PCDHGA6: variants seen among roughly 807,000 people sequenced by gnomAD.
The protein encoded by PCDHGA6 is protocadherin gamma subfamily A, 6.
PCDHGA6 carries 41 observed loss-of-function variants against 60.6 expected under a neutral mutation model. The observed-to-expected ratio is 0.68, with a 90% CI of 0.53 to 0.88. The LOEUF (loss-of-function observed/expected upper bound fraction) is 0.88, where lower values mean the gene tolerates loss of function less well. Ranked by LOEUF, PCDHGA6 falls within the 40% of genes least tolerant of loss-of-function variation. PCDHGA6 has a pLI of 0.00. For synonymous variants in PCDHGA6, 594 were observed against 524.4 expected (o/e 1.13, Z -1.81); for missense variants, 1,312 against 1,203.0 (o/e 1.09, Z -1.34).
At chr5:141,400,007 C>T (rs907315450) in intron 1 of PCDHGA6, 30 of 1,612,624 alleles carry the variant, frequency 1.9e-5, no homozygotes, top group Non-Finnish European at 2.5e-5. Flanking sequence ...ACAGCGCGTG[C>T]CTTGGGCGAC....
intron 1 of PCDHGA6, among the ~76,000 whole-genome samples, chr5:141,483,432 A>G (rs756227206): frequency 2.0e-5 from 3 of 152,200 alleles, no homozygotes; most frequent in African/African-American, 4.8e-5. Flanking sequence ...GAGGGAGCTG[A>G]CTACAATAAA....
chr5:141,476,551 C>G lies in PCDHGA6; in HGVS notation c.2425-18256C>G, dbSNP rs367700651. ...CCCAGGAAATGAAATTGGAGATTAG[C>G]GAGGCCGTGGCTCCGGGGACGCGCT... On this transcript the variant is annotated intron_variant, in intron 1 of 3. Transcript: ENST00000517434. The surrounding 1 kb of genome is among the most constrained non-coding windows in gnomAD (Gnocchi z 7.6). 128 of 1,614,078 alleles carry G rather than the reference C, an allele frequency of 7.9e-5. No homozygotes were observed. Among genetic ancestry groups the G allele is most frequent in the Non-Finnish European group, 1.0e-4 (122 of 1,180,034 alleles).
intron 1 of PCDHGA6, chr5:141,409,463 A>G (rs751200597): frequency 1.2e-6 from 2 of 1,613,744 alleles, no homozygotes; most frequent in Non-Finnish European, 1.7e-6. Context: ...ATACAATGTC[A>G]CCATCGTAGC....
intron 1 of PCDHGA6, among the ~76,000 whole-genome samples, chr5:141,446,948 T>C (rs1166868490): frequency 6.6e-6 from 1 of 152,186 alleles, no homozygotes; most frequent in African/African-American, 2.4e-5. Context: ...GTAAGAAACA[T>C]CCAGCACCCA....
Position 141,485,633 on chromosome 5 carries a change from T to C in PCDHGA6, c.2425-9174T>C. 2 of 1,611,808 alleles carry C rather than the reference T, an allele frequency of 1.2e-6. No homozygotes were observed. Among genetic ancestry groups the C allele is most frequent in the South Asian group, 1.1e-5 (1 of 90,962 alleles). On this transcript the variant is annotated intron_variant, in intron 1 of 3. Coordinates refer to ENST00000517434, the MANE Select transcript of PCDHGA6 (RefSeq NM_018919.3). The surrounding 1 kb of genome is among the most constrained non-coding windows in gnomAD (Gnocchi z 5.7). Reference sequence around the variant, plus strand: ...AGCTCCTCCAGGACAGCGTTTCCCGTTGGAAAAGGCTCAGGATGCAGATGT... The same window carrying C: ...AGCTCCTCCAGGACAGCGTTTCCCGCTGGAAAAGGCTCAGGATGCAGATGT...
At position 141,486,464 on chromosome 5, in the gene PCDHGA6, G is replaced by A; in HGVS notation, c.2425-8343G>A. The A allele has an allele frequency of 1.2e-6, 2 of 1,614,034 alleles. No homozygotes were observed. Among genetic ancestry groups the A allele is most frequent in the Non-Finnish European group, 1.7e-6 (2 of 1,179,946 alleles). On this transcript the variant is annotated intron_variant, in intron 1 of 3. Transcript: ENST00000517434. This position sits in a 1 kb window ranked among gnomAD's most constrained non-coding sequence, Gnocchi z 5.0. ...CATCATGGTCACTGCTTCTGATGCTGGGAACCCTCCTCTCAGTACCCACAG... is the reference window on the plus strand; with the variant it reads ...CATCATGGTCACTGCTTCTGATGCTAGGAACCCTCCTCTCAGTACCCACAG...
intron 1 of PCDHGA6, chr5:141,479,712 C>T (rs1488849933): frequency 6.6e-6 from 1 of 152,216 alleles, no homozygotes; most frequent in Non-Finnish European, 1.5e-5. Flanking sequence ...CCCTGTCCTT[C>T]CAGCCTTATT....
chr5:141,405,704 C>T (rs1589592020), intron 1 of PCDHGA6, among the ~76,000 whole-genome samples: 1 of 152,286 alleles, frequency 6.6e-6, no homozygotes, highest in East Asian at 1.9e-4. Context: ...TCTTGAATTC[C>T]TAACCTCAAG....
chr5:141,498,119 T>C (rs780741291), intron 2 of PCDHGA6, among the ~76,000 whole-genome samples: 42 of 152,192 alleles, frequency 2.8e-4, no homozygotes, highest in Non-Finnish European at 4.8e-4. Flanking sequence ...AATAGGGATT[T>C]GATTTAGGGA....
intron 1 of PCDHGA6, among the ~76,000 whole-genome samples, chr5:141,483,124 G>A (rs1468216170): frequency 6.6e-6 from 1 of 152,154 alleles, no homozygotes; most frequent in East Asian, 1.9e-4. Flanking sequence ...GTCTTTGTAG[G>A]AGATGAGGTG....
At chr5:141,398,177 T>C (rs2093620975) in intron 1 of PCDHGA6, 11 of 1,473,994 alleles carry the variant, frequency 7.5e-6, no homozygotes, top group African/African-American at 2.9e-5. Context: ...CTGCCAGTGC[T>C]CTTTCTCTTC....
intron 1 of PCDHGA6, chr5:141,409,553 G>T: frequency 6.2e-7 from 1 of 1,613,972 alleles, no homozygotes; most frequent in Non-Finnish European, 8.5e-7. Context: ...CAACGCCCCA[G>T]TTTTCGACCA....
intron 1 of PCDHGA6, chr5:141,394,176 G>A: frequency 6.2e-7 from 1 of 1,613,790 alleles, no homozygotes; most frequent in Non-Finnish European, 8.5e-7. Flanking sequence ...TTTCCCTCAT[G>A]CCTCCTACTC....
In PCDHGA6 at chr5:141,412,906, T is replaced by C. The variant is rs188124118; in HGVS notation, c.2424+36399T>C. ...ACAGAATAGTTTACTTTCCATTGCA[T>C]GTATCACTTGGGTGCAGTAACTTCT... On this transcript the variant is annotated intron_variant, in intron 1 of 3. Coordinates refer to ENST00000517434, the MANE Select transcript of PCDHGA6 (RefSeq NM_018919.3). 315 of 384,208 alleles carry C rather than the reference T, an allele frequency of 8.2e-4. 2 individuals carry two copies. Among genetic ancestry groups the C allele is most frequent in the African/African-American group, 5.6e-3 (272 of 48,326 alleles). The allele number at this position is 384,208 out of a possible 1,614,324, so 23.8% of individuals were successfully genotyped here. A position where few individuals can be genotyped will look rare whatever the true frequency, so the allele number is the denominator to read the frequency against.
chr5:141,471,058 T>C (rs991869999), intron 1 of PCDHGA6, among the ~76,000 whole-genome samples: 2 of 149,826 alleles, frequency 1.3e-5, no homozygotes, highest in Non-Finnish European at 3.0e-5. Context: ...TTTTTTTTTT[T>C]TTTTTTTTGA....
chr5:141,495,032 G>T, intron 2 of PCDHGA6, 167 bp downstream of exon 2: 1 of 967,732 alleles, frequency 1.0e-6, no homozygotes, highest in Non-Finnish European at 1.2e-6. Flanking sequence ...GACCCCGGAA[G>T]GAAGAGGCGA....
Position 141,476,019 on chromosome 5 carries a change from C to T in PCDHGA6, c.2425-18788C>T, listed in dbSNP as rs964061075. The T allele has an allele frequency of 3.9e-5, 54 of 1,390,282 alleles. 1 individual carries two copies. Among genetic ancestry groups the T allele is most frequent in the Non-Finnish European group, 4.9e-5 (51 of 1,034,212 alleles). 86.1% of individuals were successfully genotyped at this position (1,390,282 alleles called of 1,614,324 possible). A position where few individuals can be genotyped will look rare whatever the true frequency, so the allele number is the denominator to read the frequency against. Reference sequence around the variant, plus strand: ...ACGGCATCCAGAAAGCCATGTCGGACTCGGCGCCCAGCGCCCAAGCGCTAA... The same window carrying T: ...ACGGCATCCAGAAAGCCATGTCGGATTCGGCGCCCAGCGCCCAAGCGCTAA... On this transcript the variant is annotated intron_variant, in intron 1 of 3. Transcript: ENST00000517434. This position sits in a 1 kb window ranked among gnomAD's most constrained non-coding sequence, Gnocchi z 7.6.
Position 141,489,363 on chromosome 5 carries a change from G to A in PCDHGA6, c.2425-5444G>A, listed in dbSNP as rs767837736. On this transcript the variant is annotated intron_variant, in intron 1 of 3. Transcript: ENST00000517434. This position sits in a 1 kb window ranked among gnomAD's most constrained non-coding sequence, Gnocchi z 4.5. ...ACTCAGTGGTGGAGGAGTCTGAGCC[G>A]GGGACGCTGGTGGGGAATGTTGCTC... 46 of 1,613,114 alleles carry A rather than the reference G, an allele frequency of 2.9e-5. 1 individual carries two copies. In the South Asian group the frequency reaches 3.4e-4, roughly 12 times the overall value.
intron 1 of PCDHGA6, 62 bp from the exon 2 acceptor site, chr5:141,494,745 G>T: frequency 1.2e-6 from 2 of 1,612,802 alleles, no homozygotes; most frequent in African/African-American, 1.3e-5. Context: ...ATCCCTAGGG[G>T]CTCGGGTGAC....
Sources: gnomAD v4.1 joint callset for allele counts (sites outside exome capture counted in the v4.1 genomes callset) on GRCh38, gnomAD v4.1.1 for gene constraint, Gnocchi (gnomAD v3.1) non-coding constraint, MANE v1.5 for transcripts, NCBI Gene and HGNC (gene_info 2026-07-23, HGNC 2026-07-21) for gene names.